The following PRDM1 variants were observed in gnomAD, a reference collection of about 807,000 sequenced individuals.
PRDM1 encodes the protein PR domain zinc finger protein 1.
PRDM1 carries 13 observed loss-of-function variants against 62.8 expected under a neutral mutation model. That is an observed-to-expected ratio of 0.21 (90% CI 0.13 to 0.33). PRDM1 has a LOEUF of 0.33. PRDM1 is among the 10% of genes least tolerant of loss of function. The pLI, the probability that PRDM1 is intolerant of heterozygous loss-of-function variation, is 1.00. For synonymous variants in PRDM1, 396 were observed against 417.6 expected, an observed-to-expected ratio of 0.95 and a Z score of 0.63; for missense variants, 895 against 1,058.8, an observed-to-expected ratio of 0.85 and a Z score of 2.15.
upstream of PRDM1, among the ~76,000 whole-genome samples, chr6:106,081,608 G>A (rs980257566): frequency 6.6e-6 from 1 of 152,166 alleles, no homozygotes; most frequent in South Asian, 2.1e-4. Flanking sequence ...GGAGTTGGGG[G>A]CTGGGGGTGG....
intron 1 of PRDM1, among the ~76,000 whole-genome samples, chr6:106,048,990 A>G (rs1291635866): frequency 6.6e-6 from 1 of 151,902 alleles, no homozygotes; most frequent in Non-Finnish European, 1.5e-5. Context: ...TAATTTTTGT[A>G]TCTTTAGTAG....
At chr6:106,091,357 C>T (rs1015876703) in intron 2 of PRDM1, among the ~76,000 whole-genome samples, 7 of 152,190 alleles carry the variant, frequency 4.6e-5, no homozygotes, top group African/African-American at 1.7e-4. Flanking sequence ...CCATAACATG[C>T]AATTCTCTCT....
At chr6:106,095,287 A>G (rs960816430) in intron 2 of PRDM1, among the ~76,000 whole-genome samples, 5 of 152,218 alleles carry the variant, frequency 3.3e-5, no homozygotes, top group African/African-American at 1.2e-4. Context: ...GCAGTGTCTT[A>G]TTCTCATTCT....
intron 1 of PRDM1, among the ~76,000 whole-genome samples, chr6:106,012,563 C>CCACACACATCCCACAT (rs577704240): frequency 0.015 from 2,244 of 152,000 alleles, 43 homozygotes; most frequent in African/African-American, 0.04. Flanking sequence ...CCAACACTCC[C>CCACACACATCCCACAT]CACACACATC....
chr6:106,101,717 T>C (rs1582474194), intron 4 of PRDM1, among the ~76,000 whole-genome samples: 2 of 152,220 alleles, frequency 1.3e-5, no homozygotes, highest in East Asian at 3.8e-4. Flanking sequence ...AGGTAGATTG[T>C]GTCTCCAAAT....
rs1430629119 is a variant in PRDM1 at position 106,106,005 on chromosome 6, T to TG, written c.1773+76dup. 1.9e-5 allele frequency: 30 copies of TG among 1,539,142 alleles called. No individual in the cohort carries two copies. The East Asian group carries it at 5.7e-4, about 29-fold the overall frequency. ...GTGTTTGTATTTAGCTTGCTTTCCATGGGGTATCGATTGCATTTGCAGTAG... is the reference window on the plus strand; with the variant it reads ...GTGTTTGTATTTAGCTTGCTTTCCATGGGGGTATCGATTGCATTTGCAGTAG... On this transcript the variant is annotated intron_variant, in intron 5 of 6. Transcript: ENST00000369096. The surrounding 1 kb of genome is among the most constrained non-coding windows in gnomAD (Gnocchi z 4.4).
intron 1 of PRDM1, among the ~76,000 whole-genome samples, chr6:106,058,953 C>T (rs550536595): frequency 3.9e-5 from 6 of 152,226 alleles, no homozygotes; most frequent in African/African-American, 1.4e-4. Context: ...CTCGATGAAC[C>T]AAATTTAAAT....
intron 1 of PRDM1, among the ~76,000 whole-genome samples, chr6:106,024,054 A>T (rs866616810): frequency 1.3e-5 from 2 of 152,024 alleles, no homozygotes; most frequent in Non-Finnish European, 1.5e-5. Context: ...AGGTAGGAGG[A>T]TTGCTTGAGC....
At chr6:106,056,025 A>G (rs1403387824) in intron 1 of PRDM1, among the ~76,000 whole-genome samples, 1 of 152,214 alleles carries the variant, frequency 6.6e-6, no homozygotes, top group Non-Finnish European at 1.5e-5. Flanking sequence ...ACTCAAGGAA[A>G]AACACATTGT....
intron 1 of PRDM1, among the ~76,000 whole-genome samples, chr6:106,015,394 A>G (rs1772606556): frequency 6.6e-6 from 1 of 152,250 alleles, no homozygotes; most frequent in Non-Finnish European, 1.5e-5. Flanking sequence ...CAAATGTGTA[A>G]AATTATCCCG....
At chr6:106,071,123 T>A (rs1377843602) in intron 1 of PRDM1, among the ~76,000 whole-genome samples, 1 of 152,012 alleles carries the variant, frequency 6.6e-6, no homozygotes, top group East Asian at 1.9e-4. Context: ...ATACAAAAAA[T>A]TAGCCAGGCG....
At chr6:106,033,142 A>T (rs1260744264) in intron 1 of PRDM1, among the ~76,000 whole-genome samples, 1 of 151,046 alleles carries the variant, frequency 6.6e-6, no homozygotes, top group East Asian at 1.9e-4. Flanking sequence ...ACCTTTTTTT[A>T]AAATCTGTTT....
Position 106,096,036 on chromosome 6 carries a change from A to G in PRDM1, c.411+302A>G, listed in dbSNP as rs1242431367. Reference sequence around the variant, plus strand: ...TTGCTTTAAGGATAGGTTCATTTGCATTTCTCCGCAAGGAAGTAGTAATGA... The same window carrying G: ...TTGCTTTAAGGATAGGTTCATTTGCGTTTCTCCGCAAGGAAGTAGTAATGA... On this transcript the variant is annotated intron_variant, in intron 3 of 6. Transcript: ENST00000369096. The G allele has an allele frequency of 2.0e-5, 5 of 256,168 alleles. No individual in the cohort carries two copies. In the Admixed American group the frequency reaches 2.4e-4, roughly 12 times the overall value. 15.9% of individuals were successfully genotyped at this position (256,168 alleles called of 1,614,324 possible). A position where few individuals can be genotyped will look rare whatever the true frequency, so the allele number is the denominator to read the frequency against.
At chr6:106,036,244 G>T (rs935422737) in intron 1 of PRDM1, among the ~76,000 whole-genome samples, 3 of 152,148 alleles carry the variant, frequency 2.0e-5, no homozygotes, top group African/African-American at 7.2e-5. Context: ...TCCGTCCTAA[G>T]TTCAAGTGAT....
At chr6:106,025,551 A>G (rs190275817) in intron 1 of PRDM1, among the ~76,000 whole-genome samples, 1 of 152,194 alleles carries the variant, frequency 6.6e-6, no homozygotes, top group Non-Finnish European at 1.5e-5. Flanking sequence ...GAATAGTCAA[A>G]TCTTGAATCT....
Position 106,042,892 on chromosome 6 carries a change from C to T in PRDM1, c.-66-45309C>T, listed in dbSNP as rs193123910. ...GAGGATGGAGTTTCACTCTTGTCACCTAGGCTGGAATGCAATGGCGCATTC... is the reference window on the plus strand; with the variant it reads ...GAGGATGGAGTTTCACTCTTGTCACTTAGGCTGGAATGCAATGGCGCATTC... On this transcript the variant is annotated intron_variant, in intron 1 of 6. Coordinates refer to the PRDM1 transcript ENST00000652320. Among the ~76,000 whole-genome samples the T allele has an allele frequency of 1.5e-3, 224 of 152,330 alleles. 5 individuals are homozygous for T. Among genetic ancestry groups the T allele is most frequent in the African/African-American group, 5.2e-3 (217 of 41,582 alleles).
At chr6:106,027,363 A>G (rs1183463134) in intron 1 of PRDM1, among the ~76,000 whole-genome samples, 1 of 152,170 alleles carries the variant, frequency 6.6e-6, no homozygotes, top group African/African-American at 2.4e-5. Flanking sequence ...GGGGGGAAAA[A>G]CTTCACCAAA....
chr6:106,102,791 A>T (rs924681661), intron 4 of PRDM1, among the ~76,000 whole-genome samples: 7 of 152,234 alleles, frequency 4.6e-5, no homozygotes, highest in Non-Finnish European at 8.8e-5. Flanking sequence ...AAAATGGCTC[A>T]AAGTCATGAG....
intron 1 of PRDM1, among the ~76,000 whole-genome samples, chr6:106,028,115 A>G (rs1213080460): frequency 2.6e-5 from 4 of 152,100 alleles, no homozygotes; most frequent in African/African-American, 4.8e-5. Flanking sequence ...AAGGCTGATT[A>G]AGCATATTCT....
Sources: gnomAD v4.1 joint callset for allele counts (sites outside exome capture counted in the v4.1 genomes callset) on GRCh38, gnomAD v4.1.1 for gene constraint, Gnocchi (gnomAD v3.1) non-coding constraint, MANE v1.5 for transcripts, NCBI Gene and HGNC (gene_info 2026-07-23, HGNC 2026-07-21) for gene names.